LSAMP: variants seen among roughly 807,000 people sequenced by gnomAD.
LSAMP encodes the protein limbic system-associated membrane protein.
Under a neutral mutation model 38.6 loss-of-function variants are expected in LSAMP, and 7 were observed. The observed-to-expected ratio is 0.18, with a 90% confidence interval of 0.10 to 0.34. The LOEUF is 0.34. Among genes scored for constraint, LSAMP ranks in the 10% least tolerant of loss-of-function variants. The pLI, the probability that LSAMP is intolerant of heterozygous loss-of-function variation, is 1.00. For synonymous variants in LSAMP, 154 were observed against 166.8 expected (o/e 0.92, Z 0.59); for missense variants, 313 against 420.0 (o/e 0.75, Z 2.23).
chr3:116,145,721 A>C (rs888413481), intron 1 of LSAMP, among the ~76,000 whole-genome samples: 3 of 151,936 alleles, frequency 2.0e-5, no homozygotes, highest in African/African-American at 7.2e-5. Flanking sequence ...AGAATATATA[A>C]AAATATATAG....
At chr3:116,258,457 G>T (rs1000674081) in intron 1 of LSAMP, among the ~76,000 whole-genome samples, 1 of 151,628 alleles carries the variant, frequency 6.6e-6, no homozygotes, top group African/African-American at 2.4e-5. Flanking sequence ...TTAGAAACCC[G>T]TAATCTTTAA....
At chr3:115,903,762 A>G (rs1288317336) in intron 3 of LSAMP, among the ~76,000 whole-genome samples, 3 of 152,190 alleles carry the variant, frequency 2.0e-5, no homozygotes, top group Non-Finnish European at 4.4e-5. Context: ...ACAGGTTTTA[A>G]TAGGTTAGGC....
intron 3 of LSAMP, among the ~76,000 whole-genome samples, chr3:116,011,045 C>T (rs1393635219): frequency 6.7e-6 from 1 of 149,334 alleles, no homozygotes; most frequent in Non-Finnish European, 1.5e-5. Context: ...ACTCTGTTGC[C>T]CAGGCTGGAG....
intron 1 of LSAMP, among the ~76,000 whole-genome samples, chr3:116,398,827 T>C (rs530527684): frequency 6.6e-6 from 1 of 152,312 alleles, no homozygotes; most frequent in Admixed American, 6.5e-5. Flanking sequence ...TTGGCAGTCT[T>C]GTGAGGCAGA....
At chr3:116,411,796 A>G (rs962965116) in intron 1 of LSAMP, among the ~76,000 whole-genome samples, 9 of 151,862 alleles carry the variant, frequency 5.9e-5, no homozygotes, top group Non-Finnish European at 1.2e-4. Context: ...AGAAGAAAAA[A>G]AAAAAGAGGT....
At chr3:116,416,793 A>ACTT (rs139134830) in intron 1 of LSAMP, among the ~76,000 whole-genome samples, 1 of 151,854 alleles carries the variant, frequency 6.6e-6, no homozygotes, top group African/African-American at 2.4e-5. Flanking sequence ...AAGGGCAGAG[A>ACTT]CTTCTTCTTC....
chr3:115,898,328 G>A (rs746999336), intron 3 of LSAMP, among the ~76,000 whole-genome samples: 86 of 152,144 alleles, frequency 5.7e-4, no homozygotes, highest in Non-Finnish European at 8.2e-4. Flanking sequence ...AAGACAATGT[G>A]TTCTCCAAAT....
intron 1 of LSAMP, among the ~76,000 whole-genome samples, chr3:116,420,889 A>G (rs1340446135): frequency 6.6e-6 from 1 of 152,220 alleles, no homozygotes; most frequent in Non-Finnish European, 1.5e-5. Context: ...AAAAATAAAT[A>G]TATAAATAAA....
At chr3:116,203,383 CTTTTTATTTATTTAT>C (rs2046016658) in intron 1 of LSAMP, among the ~76,000 whole-genome samples, 1 of 51,768 alleles carries the variant, frequency 1.9e-5, no homozygotes, top group Admixed American at 2.6e-4. Context: ...TCTCAAATTT[CTTTTTATTTATTTAT>C]TTTTTATTTT....
chr3:116,398,317 C>T (rs570144293), intron 1 of LSAMP, among the ~76,000 whole-genome samples: 10 of 152,092 alleles, frequency 6.6e-5, no homozygotes, highest in South Asian at 6.2e-4. Context: ...AGTGAGTATT[C>T]GTTGAGAAAA....
At chr3:116,263,958 G>A (rs1469881801) in intron 1 of LSAMP, among the ~76,000 whole-genome samples, 1 of 152,112 alleles carries the variant, frequency 6.6e-6, no homozygotes, top group East Asian at 1.9e-4. Flanking sequence ...AACTGAGAGT[G>A]GAGAAAAGTA....
At chr3:116,202,941 T>A (rs2046007556) in intron 1 of LSAMP, among the ~76,000 whole-genome samples, 1 of 152,194 alleles carries the variant, frequency 6.6e-6, no homozygotes, top group Non-Finnish European at 1.5e-5. Flanking sequence ...AGAAATGTGT[T>A]CTTTGTTGCT....
At chr3:115,986,997 A>C (rs1939528082) in intron 3 of LSAMP, among the ~76,000 whole-genome samples, 1 of 152,148 alleles carries the variant, frequency 6.6e-6, no homozygotes, top group South Asian at 2.1e-4. Context: ...CTCATGAGCA[A>C]GGCTGTGTAT....
At chr3:116,058,789 C>A (rs990497980) in intron 2 of LSAMP, among the ~76,000 whole-genome samples, 2 of 152,146 alleles carry the variant, frequency 1.3e-5, no homozygotes, top group East Asian at 3.9e-4. Flanking sequence ...CTATTTATAT[C>A]ATTGGGACAT....
intron 4 of LSAMP, among the ~76,000 whole-genome samples, chr3:115,850,660 A>G (rs1186206423): frequency 2.0e-5 from 3 of 152,258 alleles, no homozygotes; most frequent in African/African-American, 7.2e-5. Context: ...GGATAGAAGC[A>G]CTTCAGAACT....
intron 1 of LSAMP, among the ~76,000 whole-genome samples, chr3:116,411,288 A>T (rs1244280500): frequency 6.6e-6 from 1 of 152,082 alleles, no homozygotes; most frequent in Non-Finnish European, 1.5e-5. Flanking sequence ...ATATACCCAA[A>T]GGACTATAAA....
At chr3:116,020,657 A>C (rs1940612723) in intron 2 of LSAMP, among the ~76,000 whole-genome samples, 1 of 152,188 alleles carries the variant, frequency 6.6e-6, no homozygotes, top group African/African-American at 2.4e-5. Context: ...GACTTCCTTC[A>C]TTAGTGTTCA....
At chr3:115,847,594 A>C (rs1935199691) in intron 4 of LSAMP, among the ~76,000 whole-genome samples, 1 of 152,196 alleles carries the variant, frequency 6.6e-6, no homozygotes, top group South Asian at 2.1e-4. Context: ...TAATTGAATC[A>C]TGGGGGCAGT....
chr3:115,973,974 G>A (rs531642617), intron 3 of LSAMP, among the ~76,000 whole-genome samples: 2 of 152,194 alleles, frequency 1.3e-5, no homozygotes, highest in African/African-American at 4.8e-5. Context: ...ATAACAATGA[G>A]GTCTTGAATA....
Sources: allele counts gnomAD v4.1 joint callset (sites outside exome capture counted in the v4.1 genomes callset), GRCh38; gene constraint gnomAD v4.1.1; transcripts MANE v1.5; gene names NCBI Gene and HGNC (gene_info 2026-07-23, HGNC 2026-07-21).